COL25A1: variants seen among roughly 807,000 people sequenced by gnomAD.
COL25A1 encodes the protein collagen type XXV alpha 1 chain, also known as collagen alpha-1(XXV) chain.
COL25A1 carries 103 observed loss-of-function variants against 128.4 expected under a neutral mutation model. The observed-to-expected ratio is 0.80, with a 90% confidence interval of 0.68 to 0.94. COL25A1 has a LOEUF of 0.94. Among genes scored for constraint, COL25A1 ranks in the 40% least tolerant of loss-of-function variants. COL25A1 has a pLI of 0.00. For missense variants in COL25A1, 745 were observed against 840.0 expected, an observed-to-expected ratio of 0.89 and a Z score of 1.40; for synonymous variants, 279 against 277.2, an observed-to-expected ratio of 1.01 and a Z score of -0.06.
chr4:108,889,244 C>G lies in COL25A1; in HGVS notation c.952G>C (p.Glu318Gln), dbSNP rs202026836. 162 of 1,613,562 alleles carry G rather than the reference C, an allele frequency of 1.0e-4. No homozygotes were observed. In the East Asian group the frequency reaches 1.2e-3, roughly 12 times the overall value. ...ACCTTTTGCCCTGGACGACCAGATT[C>G]CCCAGGTTCTCCCTGGCCAAAGAAA... is the stretch of plus-strand genomic sequence containing the variant. ...SAAGIKGEPG[E>Q]SGRPGQKGEP... The change falls in exon 18 of 38, where the codon GAA (glutamate) becomes CAA (glutamine). Residue 318 changes from glutamate to glutamine, a missense_variant. Physicochemically the swap from Glu to Gln is conservative, Grantham distance 29. Transcript: ENST00000399132.
chr4:108,841,581 G>A (rs768224097), intron 31 of COL25A1, 114 bp downstream of exon 31: 47 of 858,804 alleles, frequency 5.5e-5, no homozygotes, highest in Non-Finnish European at 8.0e-5. Context: ...AAGGCTCAAA[G>A]ATTATCAACA....
intron 31 of COL25A1, among the ~76,000 whole-genome samples, chr4:108,834,549 TAA>T (rs79785987): frequency 7.0e-6 from 1 of 143,866 alleles, no homozygotes. Flanking sequence ...AATTGTTAGT[TAA>T]AAAAAAAAAA....
chr4:109,136,196 G>A (rs563879361), intron 3 of COL25A1, among the ~76,000 whole-genome samples: 3 of 152,132 alleles, frequency 2.0e-5, no homozygotes, highest in South Asian at 2.1e-4. Flanking sequence ...TCAGGAGTTC[G>A]AGACCAGCCT....
chr4:108,878,969 T>G (rs1292336516), intron 19 of COL25A1, among the ~76,000 whole-genome samples: 1 of 152,242 alleles, frequency 6.6e-6, no homozygotes, highest in Admixed American at 6.5e-5. Context: ...TTTTAGGAAT[T>G]CATTTCACAT....
chr4:109,149,669 T>C (rs911757693), intron 3 of COL25A1, among the ~76,000 whole-genome samples: 18 of 152,220 alleles, frequency 1.2e-4, no homozygotes, highest in Non-Finnish European at 1.6e-4. Context: ...TGCTGAGTTG[T>C]GGTTACAGTG....
intron 11 of COL25A1, among the ~76,000 whole-genome samples, chr4:108,927,361 A>G (rs1487770128): frequency 1.3e-5 from 2 of 152,208 alleles, no homozygotes; most frequent in Non-Finnish European, 2.9e-5. Flanking sequence ...TTAGTGCCTA[A>G]CACATAAATA....
At chr4:108,876,208 A>T (rs1280513054) in intron 19 of COL25A1, among the ~76,000 whole-genome samples, 4 of 144,438 alleles carry the variant, frequency 2.8e-5, no homozygotes, top group East Asian at 2.0e-4. Flanking sequence ...CTTAAAGTAT[A>T]AAAAAAAAAA....
intron 18 of COL25A1, among the ~76,000 whole-genome samples, chr4:108,884,782 C>T (rs1286671059): frequency 1.3e-5 from 2 of 152,196 alleles, no homozygotes; most frequent in Non-Finnish European, 2.9e-5. Flanking sequence ...CCAGTCTGTA[C>T]TTCTGACAAT....
chr4:109,146,108 A>G (rs888381190), intron 3 of COL25A1, among the ~76,000 whole-genome samples: 5 of 152,196 alleles, frequency 3.3e-5, no homozygotes, highest in African/African-American at 1.2e-4. Flanking sequence ...GTATCAAAAG[A>G]AATATTCATC....
chr4:108,951,972 T>C (rs1749492322), intron 8 of COL25A1, among the ~76,000 whole-genome samples: 1 of 152,180 alleles, frequency 6.6e-6, no homozygotes, highest in South Asian at 2.1e-4. Flanking sequence ...GAAGGGATTG[T>C]GAGCCTAGTT....
chr4:109,191,421 A>T (rs1164290008), intron 3 of COL25A1, among the ~76,000 whole-genome samples: 1 of 152,144 alleles, frequency 6.6e-6, no homozygotes, highest in East Asian at 1.9e-4. Context: ...CTTGTCGCCC[A>T]CAAGAGAGGG....
At position 109,040,368 on chromosome 4, in the gene COL25A1, G is replaced by A. The variant is rs1759766846; in HGVS notation, c.420+7800C>T. The stretch of plus-strand genomic sequence containing the variant: ...AGCATTTTACATAGCTAGTTTGGAA[G>A]AATGGGAACATTGAGCCCTTCTCTG... On this transcript the variant is annotated intron_variant, in intron 5 of 37. Coordinates refer to ENST00000399132, the MANE Select transcript of COL25A1 (RefSeq NM_198721.4). Among the ~76,000 whole-genome samples the A allele has an allele frequency of 7.2e-5, 11 of 152,310 alleles. No individual in the cohort carries two copies. In the South Asian group the frequency reaches 2.3e-3, roughly 32 times the overall value.
At chr4:109,263,674 C>T in intron 3 of COL25A1, among the ~76,000 whole-genome samples, 1 of 152,174 alleles carries the variant, frequency 6.6e-6, no homozygotes, top group East Asian at 1.9e-4. Flanking sequence ...TAAAACAAAG[C>T]CCTCTCTGCC....
chr4:108,923,804 TA>T (rs1390383374), intron 11 of COL25A1, among the ~76,000 whole-genome samples: 30 of 152,188 alleles, frequency 2.0e-4, no homozygotes, highest in African/African-American at 6.8e-4. Flanking sequence ...ACAATTCCAT[TA>T]TTGTTATCCT....
chr4:108,846,863 G>C (rs188860412), intron 27 of COL25A1, among the ~76,000 whole-genome samples: 18 of 151,360 alleles, frequency 1.2e-4, no homozygotes. Flanking sequence ...TGAGGAAATA[G>C]ATAAATATGC....
Position 108,904,550 on chromosome 4 carries a change from T to C in COL25A1, c.781-3378A>G, listed in dbSNP as rs1743233709. Among the ~76,000 whole-genome samples, 3 of 152,154 alleles carry C rather than the reference T, an allele frequency of 2.0e-5. No individual in the cohort carries two copies. The South Asian group carries it at 6.2e-4, about 32-fold the overall frequency. On this transcript the variant is annotated intron_variant, in intron 13 of 37. Transcript: ENST00000399132. Reference sequence around the variant, plus strand: ...TAAAGTTGTAATGATGTTACACTATTACATAATAGTGAACATGTACATATA... The same window carrying C: ...TAAAGTTGTAATGATGTTACACTATCACATAATAGTGAACATGTACATATA...
intron 6 of COL25A1, among the ~76,000 whole-genome samples, chr4:109,001,969 C>A (rs1449017148): frequency 6.6e-6 from 1 of 152,134 alleles, no homozygotes; most frequent in African/African-American, 2.4e-5. Flanking sequence ...TGCTCCACAT[C>A]ACTAATCATC....
chr4:108,927,456 C>T (rs1746205642), intron 11 of COL25A1, among the ~76,000 whole-genome samples: 1 of 150,676 alleles, frequency 6.6e-6, no homozygotes. Flanking sequence ...TATTTCAACA[C>T]TCATATTACC....
chr4:109,301,666 C>T, intron 2 of COL25A1, 57 bp downstream of exon 2: 1 of 1,560,696 alleles, frequency 6.4e-7, no homozygotes, highest in East Asian at 2.3e-5. Flanking sequence ...GTCATGCACA[C>T]AGAGTCACGC....
Sources: gnomAD v4.1 joint callset for allele counts (sites outside exome capture counted in the v4.1 genomes callset) on GRCh38, gnomAD v4.1.1 for gene constraint, MANE v1.5 for transcripts, NCBI Gene and HGNC (gene_info 2026-07-23, HGNC 2026-07-21) for gene names.